Variants in ANK3 observed in about 807,000 individuals in gnomAD.
ANK3 encodes the protein ankyrin 3, also known as ankyrin-3.
ANK3 carries 57 observed loss-of-function variants against 370.9 expected under a neutral mutation model. That is an observed-to-expected ratio of 0.15 (90% CI 0.12 to 0.19). The LOEUF (loss-of-function observed/expected upper bound fraction) is 0.19, where lower values mean the gene tolerates loss of function less well. ANK3 is among the 10% of genes least tolerant of loss of function. ANK3 has a pLI of 1.00. For synonymous variants in ANK3, 1,929 were observed against 1,946.3 expected (o/e 0.99, Z 0.23); for missense variants, 4,439 against 5,302.1 (o/e 0.84, Z 5.06).
At chr10:60,231,280 C>A (rs2097239690) in intron 8 of ANK3, among the ~76,000 whole-genome samples, 1 of 152,200 alleles carries the variant, frequency 6.6e-6, no homozygotes, top group Non-Finnish European at 1.5e-5. Flanking sequence ...TGAAAGAGCT[C>A]TAAGAATCTT....
chr10:60,577,150 A>G (rs571813139), intron 2 of ANK3, among the ~76,000 whole-genome samples: 1 of 152,274 alleles, frequency 6.6e-6, no homozygotes, highest in South Asian at 2.1e-4. Context: ...GTACAAAGAG[A>G]GTGAGAGGGA....
chr10:60,407,859 A>G (rs2063485032), intron 2 of ANK3, among the ~76,000 whole-genome samples: 1 of 152,202 alleles, frequency 6.6e-6, no homozygotes, highest in Middle Eastern at 3.2e-3. Flanking sequence ...ATGATGCTAC[A>G]CTTTTCTATT....
Position 60,449,635 on chromosome 10 carries a change from CAGTT to C in ANK3, c.96+165547_96+165550del, listed in dbSNP as rs1158931107. On this transcript the variant is annotated intron_variant, in intron 2 of 43. Coordinates refer to the ANK3 transcript ENST00000373827. ...ACAAGATACTCACCTTTCTAAACCT[CAGTT>C]ACTTTCCATAAAAGGGCCTAATAAT... Among the ~76,000 whole-genome samples, 4 of 152,330 alleles carry C rather than the reference CAGTT, an allele frequency of 2.6e-5. No homozygotes were observed. The East Asian group carries it at 7.7e-4, about 29-fold the overall frequency.
chr10:60,177,817 G>T (rs557341491), intron 18 of ANK3, among the ~76,000 whole-genome samples: 1 of 152,030 alleles, frequency 6.6e-6, no homozygotes, highest in East Asian at 1.9e-4. Context: ...AGCCAGGATG[G>T]TCTCGATCTC....
Position 60,105,937 on chromosome 10 carries a change from T to A in ANK3, c.3296A>T (p.Asp1099Val). The A allele has an allele frequency of 6.2e-7, 1 of 1,611,918 alleles. No individual in the cohort carries two copies. The highest frequency in any genetic ancestry group is 8.5e-7 in the Non-Finnish European group (1 of 1,179,074). Reference protein sequence around the residue: ...KEHQFDSKNEDLTELLNGMDE... With the variant: ...KEHQFDSKNEVLTELLNGMDE... ...CATGCCATTAAGTAACTCGGTTAAA[T>A]CTTCATTTTTGCTGTCAAACTGATG... The change falls in exon 28 of 44, where the codon GAT becomes GTT. Residue 1099 changes from aspartate to valine, a missense_variant. Physicochemically the swap from Asp to Val is radical, Grantham distance 152 (BLOSUM62 -3). This residue lies in a region of ANK3 where 702 missense variants were observed against 941.5 expected (regional missense o/e 0.75). Coordinates refer to ENST00000280772, the MANE Select transcript of ANK3 (RefSeq NM_020987.5).
chr10:60,430,104 T>C (rs1024525208), intron 2 of ANK3, among the ~76,000 whole-genome samples: 3 of 152,210 alleles, frequency 2.0e-5, no homozygotes, highest in African/African-American at 7.2e-5. Flanking sequence ...TCAAAAAATA[T>C]AATGATCATT....
intron 2 of ANK3, among the ~76,000 whole-genome samples, chr10:60,538,994 T>C (rs2076786363): frequency 6.6e-6 from 1 of 151,904 alleles, no homozygotes; most frequent in Non-Finnish European, 1.5e-5. Context: ...TAGCGCACAG[T>C]AATCTCTCCA....
intron 2 of ANK3, among the ~76,000 whole-genome samples, chr10:60,559,701 C>G (rs2077291207): frequency 6.6e-6 from 1 of 152,118 alleles, no homozygotes; most frequent in African/African-American, 2.4e-5. Context: ...CTTTCGACCA[C>G]AAGCCCATGA....
intron 2 of ANK3, among the ~76,000 whole-genome samples, chr10:60,436,061 C>A (rs2064149384): frequency 6.7e-6 from 1 of 148,982 alleles, no homozygotes; most frequent in African/African-American, 2.5e-5. Flanking sequence ...GCACTCCCGC[C>A]TGGGCGACAA....
At chr10:60,524,332 T>C (rs951879770) in intron 2 of ANK3, among the ~76,000 whole-genome samples, 9 of 152,180 alleles carry the variant, frequency 5.9e-5, no homozygotes, top group Non-Finnish European at 1.2e-4. Context: ...CAGAAGAGTA[T>C]AGACCATTGA....
intron 7 of ANK3, among the ~76,000 whole-genome samples, chr10:60,255,032 A>C (rs1430626120): frequency 6.6e-6 from 1 of 152,186 alleles, no homozygotes; most frequent in Non-Finnish European, 1.5e-5. Flanking sequence ...GAGATGAAAA[A>C]CAGGATGTGG....
At chr10:60,229,866 G>C (rs914128181) in intron 8 of ANK3, among the ~76,000 whole-genome samples, 1 of 152,188 alleles carries the variant, frequency 6.6e-6, no homozygotes, top group African/African-American at 2.4e-5. Context: ...CAGACACTAA[G>C]ATGACCACGT....
At chr10:60,273,424 C>A (rs2132683759) in intron 4 of ANK3, among the ~76,000 whole-genome samples, 1 of 152,196 alleles carries the variant, frequency 6.6e-6, no homozygotes, top group Non-Finnish European at 1.5e-5. Context: ...TAAAATTGGG[C>A]AACCCTTCCC....
Position 60,059,349 on chromosome 10 carries a change from A to T in ANK3, c.12677T>A (p.Leu4226Gln). 1 of 1,613,976 alleles carries T rather than the reference A, an allele frequency of 6.2e-7. No individual in the cohort carries two copies. The highest frequency in any genetic ancestry group is 8.5e-7 in the Non-Finnish European group (1 of 1,179,876). The change falls in exon 41 of 44, where the codon CTG becomes CAG. Residue 4226 changes from leucine (L) to glutamine (Q), a missense_variant. Leu to Gln is a moderately radical substitution (Grantham distance 113). Transcript: ENST00000280772. The stretch of plus-strand genomic sequence containing the variant: ...TTTGAAACAGCCATACCTGTCATCC[A>T]GTCGATCTAGTAACCCACCAGTTAC... The part of the protein sequence containing the change: ...RRVTGGLLDR[L>Q]DDSPDQCRDS...
At chr10:60,260,268 T>C (rs2097785258) in intron 7 of ANK3, among the ~76,000 whole-genome samples, 1 of 152,170 alleles carries the variant, frequency 6.6e-6, no homozygotes, top group South Asian at 2.1e-4. Flanking sequence ...GGTTTCTTCT[T>C]CTGTAAAATA....
chr10:60,042,147 CA>C (rs2076208677), intron 43 of ANK3, among the ~76,000 whole-genome samples: 1 of 152,192 alleles, frequency 6.6e-6, no homozygotes, highest in South Asian at 2.1e-4. Flanking sequence ...AAACAAACAA[CA>C]GTGCCATTAA....
At chr10:60,681,473 T>C (rs1016924770) in intron 1 of ANK3, among the ~76,000 whole-genome samples, 1 of 152,190 alleles carries the variant, frequency 6.6e-6, no homozygotes, top group African/African-American at 2.4e-5. Flanking sequence ...AACATCATTT[T>C]CTCTGGAACA....
intron 36 of ANK3, among the ~76,000 whole-genome samples, chr10:60,079,708 A>G (rs1437508411): frequency 6.6e-6 from 1 of 152,188 alleles, no homozygotes; most frequent in Non-Finnish European, 1.5e-5. Context: ...AGTCAAATAC[A>G]ATGCTGAGCT....
chr10:60,374,087 C>T (rs1210494603), intron 1 of ANK3, among the ~76,000 whole-genome samples: 2 of 151,868 alleles, frequency 1.3e-5, no homozygotes, highest in African/African-American at 2.4e-5. Flanking sequence ...CCTTGTATGC[C>T]TTGTGCTCCA....
Sources: allele counts gnomAD v4.1 joint callset (sites outside exome capture counted in the v4.1 genomes callset), GRCh38; gene constraint gnomAD v4.1.1; regional missense constraint gnomAD v4.1.1; transcripts MANE v1.5; gene names NCBI Gene and HGNC (gene_info 2026-07-23, HGNC 2026-07-21).